PC: variants seen among roughly 807,000 people sequenced by gnomAD.
PC encodes the protein pyruvate carboxylase, mitochondrial.
Under a neutral mutation model 107.8 loss-of-function variants are expected in PC, and 46 were observed. The observed-to-expected ratio is 0.43, with a 90% CI of 0.34 to 0.55. The LOEUF is 0.55. Among genes scored for constraint, PC ranks in the 20% least tolerant of loss-of-function variants. PC has a pLI of 0.04. For missense variants in PC, 1,241 were observed against 1,643.1 expected (o/e 0.76, Z 4.23); for synonymous variants, 662 against 684.7 (o/e 0.97, Z 0.52).
At chr11:66,938,414 G>C (rs983146245) in intron 3 of PC, among the ~76,000 whole-genome samples, 11 of 152,060 alleles carry the variant, frequency 7.2e-5, no homozygotes, top group Non-Finnish European at 1.6e-4. Flanking sequence ...ATGGCATTTA[G>C]AAAGAGGTTT....
intron 1 of PC, chr11:66,957,804 C>CA (rs1048226655): frequency 1.3e-5 from 2 of 152,302 alleles, no homozygotes; most frequent in African/African-American, 4.8e-5. Context: ...CCGTCTGAAA[C>CA]AAAGTAGAGG....
Position 66,872,078 on chromosome 11 carries a change from T to C in PC, c.82A>G (p.Asn28Asp), listed in dbSNP as rs1946759351. 10 of 1,567,884 alleles carry C rather than the reference T, an allele frequency of 6.4e-6. No homozygotes were observed. The highest frequency in any genetic ancestry group is 2.4e-5 in the East Asian group (1 of 42,168). ...RTSTAPAASP[N>D]VRRLEYKPIK... is the part of the protein sequence containing the mutation. ...GGCTTATACTCCAGGCGCCGGACAT[T>C]TGGGGAGGCAGCGGGGGCGGTGGAG... Residue 28 changes from asparagine to aspartate, a missense_variant, in exon 4 of 23, where the codon AAT (asparagine) becomes GAT (aspartate). Transcript: ENST00000393960.
intron 16 of PC, 22 bp downstream of exon 16, chr11:66,851,768 G>GCCCAC (rs770570814): frequency 6.2e-7 from 1 of 1,613,054 alleles, no homozygotes; most frequent in Non-Finnish European, 8.5e-7. Context: ...GGTAGCGTCT[G>GCCCAC]CCCACCCCAC....
chr11:66,924,369 CA>C (rs71045970), intron 3 of PC, among the ~76,000 whole-genome samples: 39,423 of 65,796 alleles, frequency 0.6, 9,321 homozygotes, highest in Middle Eastern at 0.76. Flanking sequence ...CCATCTCTAC[CA>C]AAAAAAAAAA....
intron 12 of PC, chr11:66,860,072 T>C: frequency 6.4e-7 from 1 of 1,560,498 alleles, no homozygotes; most frequent in Non-Finnish European, 8.7e-7. Context: ...GGTGCTACGG[T>C]TATGCCAGGC....
intron 3 of PC, among the ~76,000 whole-genome samples, chr11:66,896,427 TA>T (rs1947763642): frequency 6.6e-6 from 1 of 152,072 alleles, no homozygotes; most frequent in Non-Finnish European, 1.5e-5. Context: ...TGTATGAAAG[TA>T]AAATAACAAG....
chr11:66,859,237 A>G (rs1216514478), intron 12 of PC: 6 of 1,180,900 alleles, frequency 5.1e-6, no homozygotes, highest in Non-Finnish European at 6.8e-6. Flanking sequence ...TTGGAGGAGC[A>G]GTGGCCTGGC....
At chr11:66,876,051 A>G (rs1387689402) in intron 3 of PC, among the ~76,000 whole-genome samples, 1 of 152,214 alleles carries the variant, frequency 6.6e-6, no homozygotes, top group Non-Finnish European at 1.5e-5. Flanking sequence ...AAGACGCAAG[A>G]ACGGTTTCAG....
At chr11:66,923,872 A>G (rs952143489) in intron 3 of PC, among the ~76,000 whole-genome samples, 5 of 133,314 alleles carry the variant, frequency 3.8e-5, no homozygotes, top group African/African-American at 1.1e-4. Context: ...AGAATGTCAC[A>G]AGACCTCAAG....
chr11:66,870,310 C>T lies in PC; in HGVS notation c.895G>A (p.Ala299Thr), dbSNP rs761643820. 2.9e-5 allele frequency: 46 copies of T among 1,613,136 alleles called. No homozygotes were observed. Among genetic ancestry groups the T allele is most frequent in the Non-Finnish European group, 3.5e-5 (41 of 1,180,014 alleles). Residue 299 changes from alanine (A) to threonine (T), a missense_variant, in exon 9 of 23, where the codon GCT (alanine) becomes ACT (threonine). Physicochemically the swap from Ala to Thr is moderately conservative, Grantham distance 58. This residue lies in a region of PC where 1,143 missense variants were observed against 1,551.9 expected (regional missense o/e 0.74). Transcript: ENST00000393960. The surrounding 1 kb of genome is among the most constrained non-coding windows in gnomAD (Gnocchi z 6.1). Reference protein sequence around the residue: ...TRLTSDSVKLAKQVGYENAGT... With the variant: ...TRLTSDSVKLTKQVGYENAGT... ...GGAAGCCCACCCTTCACCTGTTTAG[C>T]GAGTTTCACAGAGTCGCTGGTGAGC...
At chr11:66,877,751 G>T in intron 3 of PC, among the ~76,000 whole-genome samples, 1 of 152,216 alleles carries the variant, frequency 6.6e-6, no homozygotes, top group Non-Finnish European at 1.5e-5. Flanking sequence ...ACAATAATGT[G>T]TTTGCACAGG....
At chr11:66,930,742 A>T (rs1041953081) in intron 3 of PC, among the ~76,000 whole-genome samples, 473 of 44,574 alleles carry the variant, frequency 0.011, 2 homozygotes, top group African/African-American at 0.032. Context: ...ACTCTGTCTT[A>T]AAAAAAAAAA....
At chr11:66,945,427 G>GC (rs1388064432) in intron 3 of PC, among the ~76,000 whole-genome samples, 1 of 86,140 alleles carries the variant, frequency 1.2e-5, no homozygotes, top group African/African-American at 5.5e-5. Flanking sequence ...TTGGGGGGGC[G>GC]GGTCGGAACT....
rs1945578076 is a variant in PC at position 66,852,729 on chromosome 11, A to C, written c.1603+18T>G. ...CCTCCTGTCTCCCCCATGAGTTGAC[A>C]GAATGGATCTCACCTACCTATGGGC... On this transcript the variant is annotated intron_variant, in intron 14 of 22. Coordinates refer to ENST00000393960, the MANE Select transcript of PC (RefSeq NM_001040716.2). The surrounding 1 kb of genome is among the most constrained non-coding windows in gnomAD (Gnocchi z 4.7). The C allele has an allele frequency of 2.5e-6, 4 of 1,610,140 alleles. No homozygotes were observed. Among genetic ancestry groups the C allele is most frequent in the Admixed American group, 1.7e-5 (1 of 59,848 alleles).
Position 66,850,736 on chromosome 11 carries a change from A to C in PC, c.2411T>G (p.Met804Arg). The change falls in exon 18 of 23, where the codon ATG (methionine) becomes AGG (arginine). Residue 804 changes from methionine (M) to arginine (R), a missense_variant. Met to Arg is a moderately conservative substitution (Grantham distance 91, BLOSUM62 -1). Coordinates refer to ENST00000393960, the MANE Select transcript of PC (RefSeq NM_001040716.2). ...VDVAADSMSGMTSQPSMGALV... is the reference protein window; with the variant it reads ...VDVAADSMSGRTSQPSMGALV... ...GGCCCCCATGCTGGGCTGTGAAGTC[A>C]TCCCAGACATGGAATCAGCTGCCAC... 1 of 1,611,562 alleles carries C rather than the reference A, an allele frequency of 6.2e-7. No individual in the cohort carries two copies. Among genetic ancestry groups the C allele is most frequent in the Non-Finnish European group, 8.5e-7 (1 of 1,179,916 alleles).
At chr11:66,850,630 G>A in intron 18 of PC, 44 bp downstream of exon 18, 1 of 1,602,730 alleles carries the variant, frequency 6.2e-7, no homozygotes, top group Non-Finnish European at 8.5e-7. Flanking sequence ...GGTGGTGGCT[G>A]CGGCTTTGAG....
At chr11:66,920,059 C>A (rs993501978) in intron 3 of PC, among the ~76,000 whole-genome samples, 1 of 152,158 alleles carries the variant, frequency 6.6e-6, no homozygotes, top group Non-Finnish European at 1.5e-5. Context: ...GGACTCAGAA[C>A]AAGGCTGGCT....
intron 3 of PC, among the ~76,000 whole-genome samples, chr11:66,893,134 C>T (rs1050108695): frequency 1.3e-5 from 2 of 152,164 alleles, no homozygotes; most frequent in Admixed American, 1.3e-4. Flanking sequence ...AGTGAGGACC[C>T]CCACTGTGAC....
rs568326077 is a variant in PC at position 66,862,832 on chromosome 11, C to T, written c.1368+942G>A. ...GCCACCCAAAGACAAGCCGAGCTGCCAGCCCACCAAGGGCAGGTTGCCTCC... is the reference window on the plus strand; with the variant it reads ...GCCACCCAAAGACAAGCCGAGCTGCTAGCCCACCAAGGGCAGGTTGCCTCC... On this transcript the variant is annotated intron_variant, in intron 12 of 22. Coordinates refer to ENST00000393960, the MANE Select transcript of PC (RefSeq NM_001040716.2). Among the ~76,000 whole-genome samples, 16 of 152,354 alleles carry T rather than the reference C, an allele frequency of 1.1e-4. No homozygotes were observed. The South Asian group carries it at 2.3e-3, about 22-fold the overall frequency.
Sources: gnomAD v4.1 joint callset for allele counts (sites outside exome capture counted in the v4.1 genomes callset) on GRCh38, gnomAD v4.1.1 for gene constraint, gnomAD v4.1.1 regional missense constraint, Gnocchi (gnomAD v3.1) non-coding constraint, MANE v1.5 for transcripts, NCBI Gene and HGNC (gene_info 2026-07-23, HGNC 2026-07-21) for gene names.